The following CDK19 variants were observed in gnomAD, a reference collection of about 807,000 sequenced individuals.
The protein encoded by CDK19 is cyclin-dependent kinase 19.
A neutral mutation model predicts 68.3 loss-of-function variants in CDK19; 20 were observed. That is an observed-to-expected ratio of 0.29 (90% CI 0.21 to 0.43). The LOEUF is 0.43. Among genes scored for constraint, CDK19 ranks in the 20% least tolerant of loss-of-function variants. The pLI is 1.00. For synonymous variants in CDK19, 221 were observed against 222.8 expected (o/e 0.99, Z 0.07); for missense variants, 339 against 623.5 (o/e 0.54, Z 4.86).
chr6:110,615,901 G>A (rs1044822397), intron 12 of CDK19, among the ~76,000 whole-genome samples: 2 of 152,036 alleles, frequency 1.3e-5, no homozygotes, highest in Non-Finnish European at 2.9e-5. Context: ...CATTTCGGAT[G>A]ACTCCACCCA....
chr6:110,664,698 T>C (rs1781814411), intron 4 of CDK19, among the ~76,000 whole-genome samples: 1 of 151,984 alleles, frequency 6.6e-6, no homozygotes, highest in Non-Finnish European at 1.5e-5. Context: ...TCTCAAGAAG[T>C]TCACAGGCTA....
chr6:110,765,224 C>T (rs1489630600), intron 1 of CDK19, among the ~76,000 whole-genome samples: 1 of 151,776 alleles, frequency 6.6e-6, no homozygotes, highest in Non-Finnish European at 1.5e-5. Flanking sequence ...TTGAGACCAG[C>T]CTAGGCAACA....
intron 12 of CDK19, 68 bp from the exon 13 acceptor site, chr6:110,614,734 A>T (rs1778202199): frequency 6.5e-7 from 1 of 1,528,848 alleles, no homozygotes; most frequent in Admixed American, 1.7e-5. Flanking sequence ...TGCTCATCAC[A>T]GTAGGATAGA....
chr6:110,797,710 C>T (rs974269502), intron 1 of CDK19, among the ~76,000 whole-genome samples: 4 of 152,142 alleles, frequency 2.6e-5, no homozygotes, highest in African/African-American at 4.8e-5. Context: ...ATAGGCAGGG[C>T]GCAGTGGCGC....
At chr6:110,804,615 G>C (rs1583141712) in intron 1 of CDK19, among the ~76,000 whole-genome samples, 1 of 150,390 alleles carries the variant, frequency 6.6e-6, no homozygotes, top group East Asian at 2.0e-4. Flanking sequence ...CAAAGTGCTG[G>C]GATAACAGGC....
intron 12 of CDK19, among the ~76,000 whole-genome samples, chr6:110,619,354 C>T (rs1778563675): frequency 6.6e-6 from 1 of 152,152 alleles, no homozygotes; most frequent in Admixed American, 6.5e-5. Context: ...TCAGGCTGCT[C>T]TCAGGCAGTC....
chr6:110,774,709 G>A (rs1780271609), intron 1 of CDK19, among the ~76,000 whole-genome samples: 1 of 152,222 alleles, frequency 6.6e-6, no homozygotes, highest in Non-Finnish European at 1.5e-5. Context: ...CATCACTTTG[G>A]GAAGCCAAGG....
intron 4 of CDK19, among the ~76,000 whole-genome samples, chr6:110,642,693 C>G (rs1780284741): frequency 6.6e-6 from 1 of 152,042 alleles, no homozygotes. Flanking sequence ...GTGGTCCACA[C>G]CTGTAATCCC....
intron 1 of CDK19, among the ~76,000 whole-genome samples, chr6:110,756,448 G>A (rs1345867174): frequency 6.6e-6 from 1 of 150,876 alleles, no homozygotes; most frequent in Non-Finnish European, 1.5e-5. Context: ...CTTGGTCCCA[G>A]ATACTCAGGA....
chr6:110,684,472 G>A (rs1354461074), intron 2 of CDK19, among the ~76,000 whole-genome samples: 1 of 151,326 alleles, frequency 6.6e-6, no homozygotes, highest in Non-Finnish European at 1.5e-5. Flanking sequence ...GGGGACGTGG[G>A]TGAAACTAAC....
intron 2 of CDK19, among the ~76,000 whole-genome samples, chr6:110,736,929 T>C (rs1221646289): frequency 1.3e-5 from 2 of 152,172 alleles, no homozygotes; most frequent in Non-Finnish European, 2.9e-5. Context: ...TAATGGCCAA[T>C]TAAATCTAAC....
At chr6:110,725,990 CAACTTGTAA>C (rs1776287561) in intron 2 of CDK19, among the ~76,000 whole-genome samples, 1 of 150,860 alleles carries the variant, frequency 6.6e-6, no homozygotes, top group South Asian at 2.1e-4. Flanking sequence ...TTTTTCAATC[CAACTTGTAA>C]AACACGCCAT....
rs529305856 is a variant in CDK19, at chr6:110,679,092, C to T, written c.205-8551G>A. Among the ~76,000 whole-genome samples the T allele has an allele frequency of 4.6e-5, 7 of 152,116 alleles. No homozygotes were observed. The East Asian group carries it at 1.2e-3, about 25-fold the overall frequency. On this transcript the variant is annotated intron_variant, in intron 2 of 12. Coordinates refer to ENST00000368911, the MANE Select transcript of CDK19 (RefSeq NM_015076.5). ...GGGAGGCCAAGGCAGGAGGACCACT[C>T]AAGGCCAGGAGTTTGAGACTAGTCT...
chr6:110,739,078 G>A (rs1777458907), intron 2 of CDK19, among the ~76,000 whole-genome samples: 1 of 152,212 alleles, frequency 6.6e-6, no homozygotes, highest in East Asian at 1.9e-4. Context: ...GCTGCTGCCA[G>A]CAGTCTGAAG....
intron 2 of CDK19, among the ~76,000 whole-genome samples, chr6:110,672,170 A>G (rs1046535448): frequency 4.6e-5 from 7 of 152,288 alleles, no homozygotes; most frequent in African/African-American, 1.7e-4. Flanking sequence ...CCCAGGCACA[A>G]TGACTGTCTC....
chr6:110,756,535 C>T (rs936695435), intron 1 of CDK19, among the ~76,000 whole-genome samples: 20 of 151,462 alleles, frequency 1.3e-4, no homozygotes, highest in Non-Finnish European at 2.4e-4. Flanking sequence ...GCACTCCAGC[C>T]TGGGCAAGAC....
At chr6:110,691,254 C>T (rs921272311) in intron 2 of CDK19, among the ~76,000 whole-genome samples, 4 of 152,124 alleles carry the variant, frequency 2.6e-5, no homozygotes, top group Non-Finnish European at 5.9e-5. Flanking sequence ...GTGGGCAGAT[C>T]GTGAAGTCAG....
At chr6:110,667,598 T>C (rs1163119901) in intron 3 of CDK19, 24 bp from the exon 4 acceptor site, 1 of 1,282,062 alleles carries the variant, frequency 7.8e-7, no homozygotes, top group Non-Finnish European at 1.1e-6. Context: ...AAAAACATAA[T>C]AATATAGTCT....
rs1778088002 is a variant in CDK19, at chr6:110,612,671, T to C, written c.*1864A>G. 1 of 152,246 alleles carries C rather than the reference T, an allele frequency of 6.6e-6. No homozygotes were observed. Among genetic ancestry groups the C allele is most frequent in the South Asian group, 2.1e-4 (1 of 4,832 alleles). 9.4% of individuals were successfully genotyped at this position (152,246 alleles called of 1,614,324 possible). A position where few individuals can be genotyped will look rare whatever the true frequency, so the allele number is the denominator to read the frequency against. ...TTAGGGCACAGGATAAAACTGCATA[T>C]AGGCAGCTACATTATGCAGAGGGCT... On this transcript the variant is annotated 3_prime_UTR_variant, in exon 13 of 13. Transcript: ENST00000368911.
Sources: allele counts gnomAD v4.1 joint callset (sites outside exome capture counted in the v4.1 genomes callset), GRCh38; gene constraint gnomAD v4.1.1; transcripts MANE v1.5; gene names NCBI Gene and HGNC (gene_info 2026-07-23, HGNC 2026-07-21).